CADM1: variants seen among roughly 807,000 people sequenced by gnomAD.
CADM1 encodes cell adhesion molecule 1.
In CADM1, 15 loss-of-function variants were observed where a neutral mutation model predicts 53.1. The ratio of observed to expected loss-of-function variants is 0.28; its 90% confidence interval spans 0.19 to 0.44. The LOEUF (loss-of-function observed/expected upper bound fraction) is 0.44. Ranked by LOEUF, CADM1 falls within the 20% of genes least tolerant of loss-of-function variation. CADM1 has a pLI of 1.00. For synonymous variants in CADM1, 281 were observed against 243.0 expected (o/e 1.16, Z -1.45); for missense variants, 434 against 611.3 (o/e 0.71, Z 3.06).
At chr11:115,424,836 C>T (rs1947851783) in intron 1 of CADM1, among the ~76,000 whole-genome samples, 1 of 152,038 alleles carries the variant, frequency 6.6e-6, no homozygotes, top group Non-Finnish European at 1.5e-5. Flanking sequence ...AGAAAACACA[C>T]TTTTCTATAT....
intron 1 of CADM1, among the ~76,000 whole-genome samples, chr11:115,326,542 T>C (rs939213981): frequency 6.6e-6 from 1 of 152,200 alleles, no homozygotes; most frequent in Non-Finnish European, 1.5e-5. Flanking sequence ...AATATTAATA[T>C]GAACTCAATT....
chr11:115,215,366 C>T (rs1043280869), intron 6 of CADM1, among the ~76,000 whole-genome samples: 2 of 152,190 alleles, frequency 1.3e-5, no homozygotes, highest in African/African-American at 4.8e-5. Flanking sequence ...CCATAACCTG[C>T]ATCCCCCTAC....
intron 1 of CADM1, among the ~76,000 whole-genome samples, chr11:115,486,763 C>T (rs969674171): frequency 6.6e-6 from 1 of 152,212 alleles, no homozygotes; most frequent in East Asian, 1.9e-4. Flanking sequence ...CCTTTATTCA[C>T]ATGGTTCTCC....
intron 1 of CADM1, among the ~76,000 whole-genome samples, chr11:115,394,185 C>T (rs1946925824): frequency 2.6e-5 from 4 of 152,172 alleles, no homozygotes; most frequent in Admixed American, 2.6e-4. Context: ...ACATCCTTTG[C>T]AGTCATCTTA....
intron 1 of CADM1, among the ~76,000 whole-genome samples, chr11:115,496,211 T>G (rs1949607517): frequency 6.6e-6 from 1 of 152,174 alleles, no homozygotes; most frequent in Non-Finnish European, 1.5e-5. Context: ...ACCTGTGAAG[T>G]CAAGAAAGAA....
At chr11:115,281,315 A>G (rs1943578008) in intron 1 of CADM1, among the ~76,000 whole-genome samples, 1 of 152,174 alleles carries the variant, frequency 6.6e-6, no homozygotes, top group African/African-American at 2.4e-5. Flanking sequence ...AAAATAATAA[A>G]TCATGGGAGT....
At chr11:115,214,127 G>A (rs1224757267) in intron 7 of CADM1, among the ~76,000 whole-genome samples, 2 of 152,160 alleles carry the variant, frequency 1.3e-5, no homozygotes, top group Non-Finnish European at 2.9e-5. Context: ...GTAGCTACAA[G>A]GGACCTTGTA....
chr11:115,254,612 C>T (rs576055018), intron 1 of CADM1, among the ~76,000 whole-genome samples: 9 of 149,856 alleles, frequency 6.0e-5, no homozygotes, highest in Middle Eastern at 3.4e-3. Context: ...CAAACGCATA[C>T]TTGTAAGTCA....
At chr11:115,504,058 C>T (rs1949795540) in intron 1 of CADM1, among the ~76,000 whole-genome samples, 1 of 152,168 alleles carries the variant, frequency 6.6e-6, no homozygotes, top group Non-Finnish European at 1.5e-5. Context: ...TCCCTGGGGA[C>T]TCTCATTCAC....
intron 11 of CADM1, among the ~76,000 whole-genome samples, chr11:115,176,921 A>G (rs1939058599): frequency 6.6e-6 from 1 of 152,262 alleles, no homozygotes; most frequent in Non-Finnish European, 1.5e-5. Flanking sequence ...ACGTATAAAC[A>G]GTAAACACCA....
In CADM1 at chr11:115,174,440, G is replaced by A. The variant is rs567022947; in HGVS notation, c.*2034C>T. 5.9e-5 allele frequency: 58 copies of A among 985,740 alleles called. No homozygotes were observed. The highest frequency in any genetic ancestry group is 1.1e-4 in the East Asian group (1 of 8,816). 61.1% of individuals were successfully genotyped at this position (985,740 alleles called of 1,614,324 possible). A position where few individuals can be genotyped will look rare whatever the true frequency, so the allele number is the denominator to read the frequency against. ...GCAGATTATAAAATTCATTGAAAAA[G>A]GGATGTTCATTGTGGCTTTTTGTCT... On this transcript the variant is annotated 3_prime_UTR_variant, in exon 12 of 12. Transcript: ENST00000331581.
chr11:115,434,273 C>A (rs149944990), intron 1 of CADM1, among the ~76,000 whole-genome samples: 2 of 152,336 alleles, frequency 1.3e-5, no homozygotes, highest in East Asian at 1.9e-4. Context: ...CAAGATCCAA[C>A]TGAAACTCTA....
chr11:115,368,910 A>G (rs545971354), intron 1 of CADM1, among the ~76,000 whole-genome samples: 1 of 151,948 alleles, frequency 6.6e-6, no homozygotes, highest in South Asian at 2.1e-4. Flanking sequence ...AATTAACTTT[A>G]AATTGAAATA....
chr11:115,367,908 T>C (rs991587480), intron 1 of CADM1, among the ~76,000 whole-genome samples: 2 of 152,150 alleles, frequency 1.3e-5, no homozygotes, highest in South Asian at 4.2e-4. Flanking sequence ...TTTTAACAAC[T>C]TGTTTACATT....
At chr11:115,218,675 G>A (rs1183966318) in intron 5 of CADM1, among the ~76,000 whole-genome samples, 1 of 152,194 alleles carries the variant, frequency 6.6e-6, no homozygotes, top group African/African-American at 2.4e-5. Flanking sequence ...CACAGAGAGA[G>A]AGACAGCCCC....
At chr11:115,303,719 T>TC (rs1297405917) in intron 1 of CADM1, among the ~76,000 whole-genome samples, 1 of 151,966 alleles carries the variant, frequency 6.6e-6, no homozygotes, top group Admixed American at 6.6e-5. Context: ...CAGATTTTAC[T>TC]CCCCCTCCCC....
rs1591633405 is a variant in CADM1, at chr11:115,238,398, AC to A, written c.424+101del. 1.6e-5 allele frequency: 20 copies of A among 1,278,618 alleles called. No individual in the cohort carries two copies. In the East Asian group the frequency reaches 4.6e-4, roughly 30 times the overall value. The allele number at this position is 1,278,618 out of a possible 1,614,324, so 79.2% of individuals were successfully genotyped here. A position where few individuals can be genotyped will look rare whatever the true frequency, so the allele number is the denominator to read the frequency against. ...AAGATGGGCGGTGATTCTTCCTGAA[AC>A]AAGTTTGAACAGGAGAATTCACCAT... On this transcript the variant is annotated intron_variant, in intron 3 of 11. Coordinates refer to ENST00000331581, the MANE Select transcript of CADM1 (RefSeq NM_001301043.2).
chr11:115,443,746 C>T (rs1179136944), intron 1 of CADM1, among the ~76,000 whole-genome samples: 3 of 152,186 alleles, frequency 2.0e-5, no homozygotes, highest in Admixed American at 2.0e-4. Context: ...AAGCAGTCTG[C>T]TAAATTTGTG....
chr11:115,206,099 G>A (rs867853218), intron 8 of CADM1, among the ~76,000 whole-genome samples: 8 of 152,276 alleles, frequency 5.3e-5, no homozygotes, highest in South Asian at 2.1e-4. Context: ...CTAACACAAA[G>A]CCTATTTTAT....
Sources: allele counts gnomAD v4.1 joint callset (sites outside exome capture counted in the v4.1 genomes callset), GRCh38; gene constraint gnomAD v4.1.1; transcripts MANE v1.5; gene names NCBI Gene and HGNC (gene_info 2026-07-23, HGNC 2026-07-21).